Variants in ANO6 observed in about 807,000 individuals in gnomAD.
The protein encoded by ANO6 is anoctamin-6.
In ANO6, 106 loss-of-function variants were observed where a neutral mutation model predicts 117.5. The ratio of observed to expected loss-of-function variants is 0.90; its 90% CI spans 0.77 to 1.06. ANO6 has a LOEUF of 1.06. Among genes scored for constraint, ANO6 ranks in the 50% least tolerant of loss-of-function variants. ANO6 has a pLI of 0.00. For synonymous variants in ANO6, 367 were observed against 385.1 expected (o/e 0.95, Z 0.55); for missense variants, 955 against 1,121.1 (o/e 0.85, Z 2.12).
At chr12:45,423,198 T>C in intron 19 of ANO6, 136 bp downstream of exon 19, 1 of 744,040 alleles carries the variant, frequency 1.3e-6, no homozygotes, top group Admixed American at 2.0e-5. Flanking sequence ...AATATGTTAA[T>C]CAGTATTGAC....
At chr12:45,278,147 G>A (rs535351833) in intron 1 of ANO6, among the ~76,000 whole-genome samples, 1 of 152,128 alleles carries the variant, frequency 6.6e-6, no homozygotes, top group Admixed American at 6.5e-5. Context: ...TGTAGAGACA[G>A]GGTCTCTCTG....
chr12:45,286,452 T>C (rs1032757362), intron 1 of ANO6, among the ~76,000 whole-genome samples: 3 of 152,208 alleles, frequency 2.0e-5, no homozygotes, highest in African/African-American at 7.2e-5. Context: ...AAGATTTAAG[T>C]AGGGGGTATG....
At chr12:45,296,700 T>C (rs1939306458) in intron 1 of ANO6, among the ~76,000 whole-genome samples, 2 of 152,208 alleles carry the variant, frequency 1.3e-5, no homozygotes, top group South Asian at 4.1e-4. Flanking sequence ...CAAATTAATG[T>C]ATTTTAAAAG....
At chr12:45,380,606 C>T (rs1460108699) in intron 10 of ANO6, among the ~76,000 whole-genome samples, 1 of 152,206 alleles carries the variant, frequency 6.6e-6, no homozygotes, top group East Asian at 1.9e-4. Context: ...CATACAGATG[C>T]TTCTGAGAGG....
chr12:45,331,356 T>G lies in ANO6; in HGVS notation c.212T>G (p.Phe71Cys), dbSNP rs759028735. 6.2e-7 allele frequency: 1 copy of G among 1,610,368 alleles called. No individual in the cohort carries two copies. Among genetic ancestry groups the G allele is most frequent in the Non-Finnish European group, 8.5e-7 (1 of 1,178,130 alleles). ...FFNDGQRRID[F>C]VLVYEDESRK... ...AATGATGGCCAGCGAAGAATTGACT[T>G]TGTTCTAGTATATGAGGATGAAAGC... is the stretch of plus-strand genomic sequence containing the variant. Residue 71 changes from phenylalanine (F) to cysteine (C), a missense_variant, in exon 3 of 20, where the codon TTT becomes TGT. Transcript: ENST00000320560.
chr12:45,370,640 G>A (rs1412954646), intron 9 of ANO6, among the ~76,000 whole-genome samples: 1 of 152,076 alleles, frequency 6.6e-6, no homozygotes, highest in East Asian at 1.9e-4. Flanking sequence ...GTTTTTTATG[G>A]GACCTTTCTT....
intron 9 of ANO6, among the ~76,000 whole-genome samples, chr12:45,371,538 A>G (rs1388243157): frequency 3.9e-5 from 6 of 152,100 alleles, no homozygotes; most frequent in East Asian, 1.9e-4. Flanking sequence ...TGCCTCCTCA[A>G]GTGGGTCCCT....
chr12:45,331,913 A>G (rs1245535825), intron 3 of ANO6, among the ~76,000 whole-genome samples: 1 of 152,092 alleles, frequency 6.6e-6, no homozygotes, highest in Non-Finnish European at 1.5e-5. Flanking sequence ...TGAATATACA[A>G]GGTCATGGAA....
intron 12 of ANO6, among the ~76,000 whole-genome samples, chr12:45,396,305 AAGG>A (rs1426057074): frequency 2.0e-5 from 3 of 152,210 alleles, no homozygotes; most frequent in Non-Finnish European, 2.9e-5. Context: ...GGACTTCTTC[AAGG>A]AGAACTACAA....
intron 1 of ANO6, among the ~76,000 whole-genome samples, chr12:45,267,981 A>G (rs929280228): frequency 2.0e-5 from 3 of 152,188 alleles, no homozygotes; most frequent in Non-Finnish European, 2.9e-5. Flanking sequence ...ACCCTCTCCT[A>G]TTTTAGGAAA....
chr12:45,430,226 C>G lies in ANO6; in HGVS notation c.*915C>G. 1.0e-6 allele frequency: 1 copy of G among 985,260 alleles called. No individual in the cohort carries two copies. The highest frequency in any genetic ancestry group is 1.2e-6 in the Non-Finnish European group (1 of 829,908). The allele number at this position is 985,260 out of a possible 1,614,324, so 61.0% of individuals were successfully genotyped here. Reference sequence around the variant, plus strand: ...CATAATTGTCTGGAAAAGATAAGCCCCTCAATTTTCTACCAGTTGACTTTT... The same window carrying G: ...CATAATTGTCTGGAAAAGATAAGCCGCTCAATTTTCTACCAGTTGACTTTT... On this transcript the variant is annotated 3_prime_UTR_variant, in exon 20 of 20. Transcript: ENST00000320560.
intron 12 of ANO6, among the ~76,000 whole-genome samples, chr12:45,399,956 A>G (rs374677586): frequency 1.3e-5 from 2 of 152,346 alleles, no homozygotes; most frequent in East Asian, 3.9e-4. Flanking sequence ...TATGGGAAGC[A>G]CCCCAAAGAA....
At chr12:45,387,306 T>C (rs978402549) in intron 10 of ANO6, among the ~76,000 whole-genome samples, 1 of 152,222 alleles carries the variant, frequency 6.6e-6, no homozygotes, top group Non-Finnish European at 1.5e-5. Context: ...ATTTTAGTCA[T>C]ACATTATATA....
chr12:45,352,506 C>T (rs1471804929), intron 7 of ANO6, among the ~76,000 whole-genome samples: 1 of 145,846 alleles, frequency 6.9e-6, no homozygotes, highest in African/African-American at 2.6e-5. Context: ...GCAGGATGAT[C>T]GCTTGAGGCC....
intron 12 of ANO6, among the ~76,000 whole-genome samples, chr12:45,398,179 C>CGTG (rs1332270974): frequency 1.2e-4 from 19 of 152,188 alleles, no homozygotes; most frequent in African/African-American, 4.3e-4. Context: ...ACCTTTAATA[C>CGTG]GTGGAGTCCA....
chr12:45,378,292 A>G lies in ANO6; in HGVS notation c.1165+179A>G, dbSNP rs546496207. Among the ~76,000 whole-genome samples the G allele has an allele frequency of 5.9e-5, 9 of 152,238 alleles. No individual in the cohort carries two copies. In the South Asian group the frequency reaches 1.9e-3, roughly 32 times the overall value. On this transcript the variant is annotated intron_variant, in intron 10 of 19. Coordinates refer to ENST00000320560, the MANE Select transcript of ANO6 (RefSeq NM_001025356.3). Reference sequence around the variant, plus strand: ...TTTTACTATATTAAAATCTGCATCAAAATATAGTGGCTTAAAACAACAAAC... The same window carrying G: ...TTTTACTATATTAAAATCTGCATCAGAATATAGTGGCTTAAAACAACAAAC...
At chr12:45,269,647 A>G (rs1330360802) in intron 1 of ANO6, among the ~76,000 whole-genome samples, 5 of 152,170 alleles carry the variant, frequency 3.3e-5, no homozygotes, top group Admixed American at 2.6e-4. Context: ...ATGCAAATCA[A>G]TTTCTAACTA....
chr12:45,274,564 C>G (rs1938488200), intron 1 of ANO6, among the ~76,000 whole-genome samples: 1 of 152,014 alleles, frequency 6.6e-6, no homozygotes, highest in African/African-American at 2.4e-5. Context: ...TGCCACCATT[C>G]ATGCACCTCT....
intron 1 of ANO6, among the ~76,000 whole-genome samples, chr12:45,220,715 T>C (rs1947383027): frequency 6.6e-6 from 1 of 152,240 alleles, no homozygotes; most frequent in Non-Finnish European, 1.5e-5. Flanking sequence ...AAGTGTCTTT[T>C]TGTATGCTAA....
Sources: allele counts gnomAD v4.1 joint callset (sites outside exome capture counted in the v4.1 genomes callset), GRCh38; gene constraint gnomAD v4.1.1; transcripts MANE v1.5; gene names NCBI Gene and HGNC (gene_info 2026-07-23, HGNC 2026-07-21).